The following TENM3 variants were observed in gnomAD, a reference collection of about 807,000 sequenced individuals.
The protein encoded by TENM3 is teneurin transmembrane protein 3.
Under a neutral mutation model 255.1 loss-of-function variants are expected in TENM3, and 63 were observed. The observed-to-expected ratio is 0.25, with a 90% CI of 0.20 to 0.30. TENM3 has a LOEUF of 0.30. Ranked by LOEUF, TENM3 falls within the 10% of genes least tolerant of loss-of-function variation. TENM3 has a pLI of 1.00. For synonymous variants in TENM3, 1,306 were observed against 1,322.3 expected (o/e 0.99, Z 0.27); for missense variants, 2,929 against 3,461.1 (o/e 0.85, Z 3.86).
chr4:182,136,179 C>T, the TENM3 span, among the ~76,000 whole-genome samples: 3 of 152,048 alleles, frequency 2.0e-5, no homozygotes, highest in East Asian at 5.8e-4. Flanking sequence ...TTATTAATTG[C>T]ATTGAAATGT....
chr4:181,985,787 T>C, the TENM3 span, among the ~76,000 whole-genome samples: 1 of 152,136 alleles, frequency 6.6e-6, no homozygotes, highest in African/African-American at 2.4e-5. Flanking sequence ...ATGTATCTGT[T>C]TTACAAGTTT....
At chr4:182,404,038 T>C (rs995687151) in intron 3 of TENM3, among the ~76,000 whole-genome samples, 1 of 152,236 alleles carries the variant, frequency 6.6e-6, no homozygotes, top group Non-Finnish European at 1.5e-5. Flanking sequence ...TTTGTTTTCT[T>C]AATTGGTAAT....
chr4:181,849,986 CAG>C, the TENM3 span, among the ~76,000 whole-genome samples: 5,502 of 147,872 alleles, frequency 0.037, 108 homozygotes, highest in Middle Eastern at 0.056. Context: ...CACACACACA[CAG>C]AGTCTTCCTC....
the TENM3 span, among the ~76,000 whole-genome samples, chr4:181,643,634 C>T: frequency 6.6e-6 from 1 of 152,154 alleles, no homozygotes; most frequent in East Asian, 1.9e-4. Context: ...AGATCTACAC[C>T]AGTGGAGCCA....
intron 3 of TENM3, among the ~76,000 whole-genome samples, chr4:182,494,796 T>C (rs1033415581): frequency 4.6e-5 from 7 of 152,254 alleles, no homozygotes; most frequent in Non-Finnish European, 1.0e-4. Flanking sequence ...CAGGAACTTC[T>C]AAACTTTCAT....
At chr4:181,873,040 T>C in the TENM3 span, among the ~76,000 whole-genome samples, 3,559 of 152,256 alleles carry the variant, frequency 0.023, 49 homozygotes, top group Middle Eastern at 0.031. Context: ...TTAAAATTAT[T>C]AGCTTTAAGT....
the TENM3 span, among the ~76,000 whole-genome samples, chr4:181,894,684 A>T: frequency 6.6e-6 from 1 of 151,754 alleles, no homozygotes; most frequent in Non-Finnish European, 1.5e-5. Flanking sequence ...TTTATCTGAG[A>T]TCTGGTGTTA....
the TENM3 span, among the ~76,000 whole-genome samples, chr4:181,450,865 A>G: frequency 6.6e-6 from 1 of 152,316 alleles, no homozygotes; most frequent in South Asian, 2.1e-4. Context: ...ATTGATCTGA[A>G]TGATGGCAAC....
the TENM3 span, among the ~76,000 whole-genome samples, chr4:181,500,924 G>A: frequency 1.3e-5 from 2 of 152,052 alleles, no homozygotes; most frequent in Non-Finnish European, 2.9e-5. Context: ...AATATGCAAG[G>A]CTAGCCTGAC....
upstream of TENM3, among the ~76,000 whole-genome samples, chr4:182,139,025 T>TA (rs1200899628): frequency 1.3e-5 from 2 of 152,244 alleles, no homozygotes; most frequent in Non-Finnish European, 2.9e-5. Flanking sequence ...GAAAATATTT[T>TA]ATTCGTGTAT....
chr4:181,921,664 A>G, the TENM3 span, among the ~76,000 whole-genome samples: 68 of 152,308 alleles, frequency 4.5e-4, no homozygotes, highest in Non-Finnish European at 7.6e-4. Flanking sequence ...TAGATATACA[A>G]TCATGTCATC....
At chr4:181,563,858 C>G in the TENM3 span, among the ~76,000 whole-genome samples, 1 of 152,098 alleles carries the variant, frequency 6.6e-6, no homozygotes, top group South Asian at 2.1e-4. Flanking sequence ...TCTAACCATA[C>G]AGTAGACCAA....
chr4:181,982,185 G>T, the TENM3 span, among the ~76,000 whole-genome samples: 3 of 152,228 alleles, frequency 2.0e-5, no homozygotes, highest in South Asian at 2.1e-4. Flanking sequence ...AGTAAGAGAT[G>T]ATTTCAGAGG....
At chr4:182,447,931 A>C (rs1773062389) in intron 3 of TENM3, among the ~76,000 whole-genome samples, 1 of 152,184 alleles carries the variant, frequency 6.6e-6, no homozygotes, top group Non-Finnish European at 1.5e-5. Flanking sequence ...AAATAATGAT[A>C]ATAGTGGATC....
the TENM3 span, among the ~76,000 whole-genome samples, chr4:182,098,015 G>C: frequency 1.3e-5 from 2 of 151,996 alleles, no homozygotes; most frequent in African/African-American, 4.8e-5. Context: ...TGTTAAGATG[G>C]GCAAAAGTTC....
intron 15 of TENM3, 141 bp downstream of exon 15, chr4:182,730,460 T>C: frequency 1.1e-6 from 1 of 893,948 alleles, no homozygotes. Flanking sequence ...TGACAGTACA[T>C]ATGGCAGAGA....
chr4:182,049,426 G>A, the TENM3 span, among the ~76,000 whole-genome samples: 9 of 152,092 alleles, frequency 5.9e-5, no homozygotes, highest in Non-Finnish European at 1.2e-4. Context: ...AGAGGTGGGC[G>A]GAGAAAGCAC....
At chr4:182,347,003 G>GA (rs1764869563) in intron 3 of TENM3, 74 bp downstream of exon 3, 2 of 1,092,028 alleles carry the variant, frequency 1.8e-6, no homozygotes, top group Admixed American at 3.0e-5. Flanking sequence ...CGCGGGGGGG[G>GA]ATGTTTTTCT....
At chr4:181,698,930 A>C in the TENM3 span, among the ~76,000 whole-genome samples, 1 of 152,238 alleles carries the variant, frequency 6.6e-6, no homozygotes, top group Non-Finnish European at 1.5e-5. Flanking sequence ...ATATAAATGA[A>C]GATGACATTT....
Sources: allele counts gnomAD v4.1 joint callset (sites outside exome capture counted in the v4.1 genomes callset), GRCh38; gene constraint gnomAD v4.1.1; transcripts MANE v1.5; gene names NCBI Gene and HGNC (gene_info 2026-07-23, HGNC 2026-07-21).